The following TIAM2 variants were observed in gnomAD, a reference collection of about 807,000 sequenced individuals.
TIAM2 encodes rho guanine nucleotide exchange factor TIAM2.
TIAM2 carries 80 observed loss-of-function variants against 152.9 expected under a neutral mutation model. The ratio of observed to expected loss-of-function variants is 0.52; its 90% CI spans 0.44 to 0.63. TIAM2 has a LOEUF of 0.63. TIAM2 is among the 30% of genes least tolerant of loss of function. The pLI is 0.00. For missense variants in TIAM2, 1,965 were observed against 2,120.1 expected (o/e 0.93, Z 1.44); for synonymous variants, 804 against 838.0 (o/e 0.96, Z 0.70).
At chr6:155,136,376 G>A (rs1779556663) in intron 4 of TIAM2, among the ~76,000 whole-genome samples, 1 of 151,550 alleles carries the variant, frequency 6.6e-6, no homozygotes, top group South Asian at 2.1e-4. Context: ...CCAGGTTCAG[G>A]TGATTCTCCT....
In TIAM2 at chr6:155,257,273, GTTATTT is replaced by G; in HGVS notation, c.*154_*159del. On this transcript the variant is annotated 3_prime_UTR_variant, in exon 27 of 27. Coordinates refer to ENST00000682666, the MANE Select transcript of TIAM2 (RefSeq NM_012454.4). ...CCACAAAATGGTTGTAAAGATTTAA[GTTATTT>G]TAATTTATTGTGGATCAGAAACCTA... 1 of 879,394 alleles carries G rather than the reference GTTATTT, an allele frequency of 1.1e-6. No individual in the cohort carries two copies. Among genetic ancestry groups the G allele is most frequent in the Middle Eastern group, 3.6e-4 (1 of 2,794 alleles). The allele number at this position is 879,394 out of a possible 1,614,324, so 54.5% of individuals were successfully genotyped here.
chr6:155,100,324 G>A (rs1188122773), intron 2 of TIAM2, among the ~76,000 whole-genome samples: 1 of 152,214 alleles, frequency 6.6e-6, no homozygotes, highest in Non-Finnish European at 1.5e-5. Context: ...CTGCAGTGTT[G>A]CCTTGTTGAA....
chr6:155,038,223 A>T (rs530866263), intron 1 of TIAM2, among the ~76,000 whole-genome samples: 1 of 152,202 alleles, frequency 6.6e-6, no homozygotes, highest in East Asian at 1.9e-4. Flanking sequence ...CTCGCCCGTT[A>T]TCCTTCAGAT....
chr6:155,191,526 T>A (rs748287335), intron 14 of TIAM2, among the ~76,000 whole-genome samples: 1 of 152,148 alleles, frequency 6.6e-6, no homozygotes, highest in Non-Finnish European at 1.5e-5. Flanking sequence ...GCGCGGTGGC[T>A]CATGCCTGTA....
At chr6:155,117,968 C>T (rs1313939969) in intron 2 of TIAM2, among the ~76,000 whole-genome samples, 1 of 152,212 alleles carries the variant, frequency 6.6e-6, no homozygotes, top group Non-Finnish European at 1.5e-5. Flanking sequence ...CAAGTTTCTG[C>T]CAATACTTTG....
intron 24 of TIAM2, 83 bp downstream of exon 24, chr6:155,253,136 G>C: frequency 8.1e-7 from 1 of 1,231,082 alleles, no homozygotes; most frequent in Non-Finnish European, 1.2e-6. Context: ...AGGACCTTGG[G>C]GATAATTTTT....
intron 2 of TIAM2, among the ~76,000 whole-genome samples, chr6:155,124,860 CT>C (rs752886695): frequency 0.038 from 5,344 of 141,094 alleles, 223 homozygotes; most frequent in African/African-American, 0.11. Flanking sequence ...ATCTATTTGA[CT>C]TTTTTTTTTT....
chr6:155,043,803 A>G (rs1777099959), intron 1 of TIAM2, among the ~76,000 whole-genome samples: 1 of 152,062 alleles, frequency 6.6e-6, no homozygotes, highest in Non-Finnish European at 1.5e-5. Context: ...AATTTCTTGC[A>G]GGTTAATCAG....
At chr6:155,089,606 C>T (rs996861435) in intron 1 of TIAM2, among the ~76,000 whole-genome samples, 10 of 152,188 alleles carry the variant, frequency 6.6e-5, no homozygotes, top group African/African-American at 9.6e-5. Flanking sequence ...GGTGTTTCTT[C>T]GCTGATCCCT....
At chr6:155,016,374 T>C (rs1778581245) in intron 1 of TIAM2, 1 of 152,168 alleles carries the variant, frequency 6.6e-6, no homozygotes, top group African/African-American at 2.4e-5. Context: ...AAGAACCTTG[T>C]ATACTATAAT....
chr6:155,109,171 A>G (rs1489701593), intron 2 of TIAM2, among the ~76,000 whole-genome samples: 1 of 151,984 alleles, frequency 6.6e-6, no homozygotes. Flanking sequence ...TTTTTGGTAG[A>G]GATGGGGTTT....
At chr6:155,109,747 T>C (rs1778790683) in intron 2 of TIAM2, among the ~76,000 whole-genome samples, 1 of 152,104 alleles carries the variant, frequency 6.6e-6, no homozygotes, top group Non-Finnish European at 1.5e-5. Context: ...ACCACAGAAC[T>C]GAAGCGACTT....
intron 14 of TIAM2, among the ~76,000 whole-genome samples, chr6:155,193,582 T>C: frequency 6.6e-6 from 1 of 152,234 alleles, no homozygotes; most frequent in East Asian, 1.9e-4. Flanking sequence ...ATTTTCCAAG[T>C]AAAAATTGTG....
intron 14 of TIAM2, among the ~76,000 whole-genome samples, chr6:155,185,401 A>G (rs2115151270): frequency 6.6e-6 from 1 of 152,114 alleles, no homozygotes; most frequent in East Asian, 1.9e-4. Flanking sequence ...TGCTGGGATT[A>G]CAGGTGTAAG....
Position 155,129,954 on chromosome 6 carries a change from G to A in TIAM2, c.731G>A (p.Ser244Asn). The A allele has an allele frequency of 6.2e-7, 1 of 1,614,090 alleles. No homozygotes were observed. Among genetic ancestry groups the A allele is most frequent in the South Asian group, 1.1e-5 (1 of 91,084 alleles). ...CGGTCCAGCAAAGGCAGCTCCCTGA[G>A]TTCTGAGTCATCCTGGTACGACTCC... ...RLRSSKGSSL[S>N]SESSWYDSPW... The change falls in exon 4 of 27, where the codon AGT becomes AAT. Residue 244 changes from serine to asparagine, a missense_variant. Physicochemically the swap from Ser to Asn is conservative, Grantham distance 46. Coordinates refer to ENST00000682666, the MANE Select transcript of TIAM2 (RefSeq NM_012454.4). This position sits in a 1 kb window ranked among gnomAD's most constrained non-coding sequence, Gnocchi z 4.8.
At chr6:155,057,580 G>A (rs368183458) in intron 1 of TIAM2, among the ~76,000 whole-genome samples, 2 of 121,302 alleles carry the variant, frequency 1.6e-5, no homozygotes, top group African/African-American at 3.3e-5. Flanking sequence ...AGAGGCTCGC[G>A]CTGTTGCCCA....
At chr6:155,131,447 A>C (rs906469445) in intron 4 of TIAM2, among the ~76,000 whole-genome samples, 1 of 151,942 alleles carries the variant, frequency 6.6e-6, no homozygotes, top group African/African-American at 2.4e-5. Context: ...CAAATAAAAC[A>C]GTTGAGATTG....
At chr6:155,209,485 T>C (rs1033490409) in intron 14 of TIAM2, among the ~76,000 whole-genome samples, 1 of 152,152 alleles carries the variant, frequency 6.6e-6, no homozygotes, top group Admixed American at 6.5e-5. Flanking sequence ...TTACTTCCCG[T>C]GCAGTTAGCT....
At chr6:155,217,037 C>T (rs1781877147) in intron 15 of TIAM2, 1 of 1,288,730 alleles carries the variant, frequency 7.8e-7, no homozygotes, top group Non-Finnish European at 1.0e-6. Context: ...AGATGTGATC[C>T]GTTCTCCCAG....
Sources: gnomAD v4.1 joint callset for allele counts (sites outside exome capture counted in the v4.1 genomes callset) on GRCh38, gnomAD v4.1.1 for gene constraint, Gnocchi (gnomAD v3.1) non-coding constraint, MANE v1.5 for transcripts, NCBI Gene and HGNC (gene_info 2026-07-23, HGNC 2026-07-21) for gene names.